AUTS2: variants seen among roughly 807,000 people sequenced by gnomAD.
AUTS2 encodes activator of transcription and developmental regulator AUTS2, also known as autism susceptibility gene 2 protein.
AUTS2 carries 17 observed loss-of-function variants against 112.4 expected under a neutral mutation model. The ratio of observed to expected loss-of-function variants is 0.15; its 90% CI spans 0.10 to 0.23. The LOEUF is 0.23. AUTS2 is among the 10% of genes least tolerant of loss of function. AUTS2 has a pLI of 1.00. For missense variants in AUTS2, 1,510 were observed against 1,701.6 expected, an observed-to-expected ratio of 0.89 and a Z score of 1.98; for synonymous variants, 751 against 702.7, an observed-to-expected ratio of 1.07 and a Z score of -1.09.
intron 4 of AUTS2, among the ~76,000 whole-genome samples, chr7:70,382,434 T>A (rs1479253847): frequency 1.3e-5 from 2 of 151,858 alleles, no homozygotes; most frequent in Non-Finnish European, 2.9e-5. Flanking sequence ...ACACACACAC[T>A]CTCTCTTGCT....
chr7:69,897,366 A>G (rs766015413), intron 1 of AUTS2, among the ~76,000 whole-genome samples: 2 of 152,196 alleles, frequency 1.3e-5, no homozygotes, highest in African/African-American at 2.4e-5. Context: ...GAGGCTGGGA[A>G]GTCCAAGGTG....
chr7:70,159,719 T>C (rs1435923884), intron 4 of AUTS2, among the ~76,000 whole-genome samples: 2 of 152,178 alleles, frequency 1.3e-5, no homozygotes, highest in Non-Finnish European at 2.9e-5. Context: ...GTGTTACTTA[T>C]CAGAAATAAT....
At chr7:70,086,259 A>G (rs902390294) in intron 2 of AUTS2, among the ~76,000 whole-genome samples, 6 of 152,336 alleles carry the variant, frequency 3.9e-5, no homozygotes, top group East Asian at 1.9e-4. Flanking sequence ...AATTTCAAAA[A>G]ATTGATATCT....
At chr7:70,761,629 C>T (rs999630401) in intron 6 of AUTS2, among the ~76,000 whole-genome samples, 2 of 152,096 alleles carry the variant, frequency 1.3e-5, no homozygotes, top group Non-Finnish European at 2.9e-5. Flanking sequence ...ACTGGTCTTT[C>T]GTTATTCTGT....
chr7:69,724,419 T>C (rs622767), intron 1 of AUTS2, among the ~76,000 whole-genome samples: 1 of 151,970 alleles, frequency 6.6e-6, no homozygotes, highest in Admixed American at 6.6e-5. Context: ...CATTGGACTT[T>C]TTAGGGAGTT....
chr7:69,943,818 T>C (rs1796712212), intron 2 of AUTS2, among the ~76,000 whole-genome samples: 1 of 152,174 alleles, frequency 6.6e-6, no homozygotes, highest in South Asian at 2.1e-4. Context: ...AACATACACC[T>C]AGAAAAACAG....
chr7:69,599,761 C>A lies in AUTS2; in HGVS notation c.108C>A (p.Gly36=). 7.3e-7 allele frequency: 1 copy of A among 1,377,446 alleles called. No homozygotes were observed. The highest frequency in any genetic ancestry group is 9.4e-7 in the Non-Finnish European group (1 of 1,069,112). 85.3% of individuals were successfully genotyped at this position (1,377,446 alleles called of 1,614,324 possible). A position where few individuals can be genotyped will look rare whatever the true frequency, so the allele number is the denominator to read the frequency against. Residue 36 remains glycine (G), a synonymous_variant, in exon 1 of 19, where the codon GGC becomes GGA. Transcript: ENST00000342771. The surrounding 1 kb of genome is among the most constrained non-coding windows in gnomAD (Gnocchi z 7.0). ...SRGGLGAGAA[G]GGGAGRTRAL... ...GCGGGCTGGGGGCCGGCGCGGCCGG[C>A]GGCGGCGGGGCTGGCCGGACCCGGG...
intron 2 of AUTS2, among the ~76,000 whole-genome samples, chr7:69,996,527 A>T (rs1001612543): frequency 6.6e-6 from 1 of 152,092 alleles, no homozygotes; most frequent in Non-Finnish European, 1.5e-5. Flanking sequence ...GAAGTGTTAA[A>T]ATATTTTTAT....
At chr7:69,780,634 T>C (rs1426564760) in intron 1 of AUTS2, among the ~76,000 whole-genome samples, 4 of 152,196 alleles carry the variant, frequency 2.6e-5, no homozygotes, top group Non-Finnish European at 5.9e-5. Context: ...TATAGAGCTG[T>C]AAGTGGCTGG....
chr7:69,732,845 TC>T (rs1462194289), intron 1 of AUTS2, among the ~76,000 whole-genome samples: 2 of 152,216 alleles, frequency 1.3e-5, no homozygotes, highest in African/African-American at 2.4e-5. Flanking sequence ...AATTTCTTCT[TC>T]CTGGCACAGC....
intron 2 of AUTS2, among the ~76,000 whole-genome samples, chr7:70,050,211 G>A (rs1801684453): frequency 6.6e-6 from 1 of 151,748 alleles, no homozygotes; most frequent in African/African-American, 2.4e-5. Context: ...ACAAAAATTA[G>A]CCAGGAGTGG....
At chr7:70,265,022 C>T (rs1787349778) in intron 4 of AUTS2, among the ~76,000 whole-genome samples, 1 of 152,184 alleles carries the variant, frequency 6.6e-6, no homozygotes, top group Non-Finnish European at 1.5e-5. Context: ...AGGCATTCCC[C>T]TTCAGTTTAT....
intron 5 of AUTS2, among the ~76,000 whole-genome samples, chr7:70,550,716 T>C (rs183729346): frequency 6.6e-6 from 1 of 152,306 alleles, no homozygotes; most frequent in African/African-American, 2.4e-5. Flanking sequence ...CATGTTTAGC[T>C]TAACATAGAT....
intron 1 of AUTS2, among the ~76,000 whole-genome samples, chr7:69,621,622 CTG>C (rs1793667783): frequency 6.6e-6 from 1 of 152,118 alleles, no homozygotes; most frequent in Admixed American, 6.6e-5. Flanking sequence ...TTTAAACTAA[CTG>C]AACTAAAAAT....
intron 2 of AUTS2, among the ~76,000 whole-genome samples, chr7:69,933,451 C>T (rs1386499121): frequency 6.6e-6 from 1 of 152,054 alleles, no homozygotes; most frequent in Non-Finnish European, 1.5e-5. Context: ...TTTCTTTTTT[C>T]TTCGTTTAAT....
chr7:69,918,650 G>T lies in AUTS2; in HGVS notation c.522+19152G>T, dbSNP rs987745122. On this transcript the variant is annotated intron_variant, in intron 2 of 18. Coordinates refer to ENST00000342771, the MANE Select transcript of AUTS2 (RefSeq NM_015570.4). ...TATTGGCTTATTTTTTAAAAAGCTG[G>T]CTTAAAAAGTGACCACAAGTGTGCT... Among the ~76,000 whole-genome samples, 6 of 152,172 alleles carry T rather than the reference G, an allele frequency of 3.9e-5. No homozygotes were observed. In the South Asian group the frequency reaches 8.3e-4, roughly 21 times the overall value.
chr7:70,413,543 TGGG>T (rs1159299562), intron 4 of AUTS2, among the ~76,000 whole-genome samples: 1 of 152,348 alleles, frequency 6.6e-6, no homozygotes, highest in Admixed American at 6.5e-5. Flanking sequence ...TTAATATCCC[TGGG>T]GGGTTATCCT....
chr7:70,375,279 C>G (rs1247824126), intron 4 of AUTS2, among the ~76,000 whole-genome samples: 1 of 152,168 alleles, frequency 6.6e-6, no homozygotes, highest in African/African-American at 2.4e-5. Flanking sequence ...GCCCCATTGA[C>G]TTTGCTTTGA....
At chr7:70,026,910 A>G (rs780978491) in intron 2 of AUTS2, among the ~76,000 whole-genome samples, 11 of 152,142 alleles carry the variant, frequency 7.2e-5, no homozygotes, top group African/African-American at 1.9e-4. Flanking sequence ...CTATGTGCAG[A>G]TGGTTCCTAA....
Sources: gnomAD v4.1 joint callset for allele counts (sites outside exome capture counted in the v4.1 genomes callset) on GRCh38, gnomAD v4.1.1 for gene constraint, Gnocchi (gnomAD v3.1) non-coding constraint, MANE v1.5 for transcripts, NCBI Gene and HGNC (gene_info 2026-07-23, HGNC 2026-07-21) for gene names.